The following GLRX3 variants were observed in gnomAD, a reference collection of about 807,000 sequenced individuals.
GLRX3 encodes glutaredoxin 3, also known as glutaredoxin-3.
A neutral mutation model predicts 49.5 loss-of-function variants in GLRX3; 22 were observed. The ratio of observed to expected loss-of-function variants is 0.44; its 90% confidence interval spans 0.32 to 0.63. GLRX3 has a LOEUF of 0.63. GLRX3 is among the 30% of genes least tolerant of loss of function. GLRX3 has a pLI of 0.05. For synonymous variants in GLRX3, 133 were observed against 140.0 expected (o/e 0.95, Z 0.35); for missense variants, 385 against 396.3 (o/e 0.97, Z 0.24).
At chr10:130,164,504 G>T (rs988180534) in intron 4 of GLRX3, among the ~76,000 whole-genome samples, 2 of 152,180 alleles carry the variant, frequency 1.3e-5, no homozygotes, top group Admixed American at 1.3e-4. Flanking sequence ...TTTATTGTTA[G>T]GTAGTGATGA....
chr10:130,179,301 A>G (rs752714689), intron 10 of GLRX3, 41 bp from the exon 11 acceptor site: 1 of 870,500 alleles, frequency 1.1e-6, no homozygotes, highest in African/African-American at 1.7e-5. Context: ...ATCTTTTTAT[A>G]TATGCATATA....
rs147628574 is a variant in GLRX3 at position 130,137,802 on chromosome 10, A to C, written c.92+1290A>C. Among the ~76,000 whole-genome samples the C allele has an allele frequency of 6.6e-4, 101 of 152,190 alleles. 1 individual carries two copies. The highest frequency in any genetic ancestry group is 2.4e-3 in the African/African-American group (98 of 41,528). ...CAGGCTGCAGTGTAGTGGAGCGATCACGGCTCCCTGCAGCCTCCGCCTCCC... is the reference window on the plus strand; with the variant it reads ...CAGGCTGCAGTGTAGTGGAGCGATCCCGGCTCCCTGCAGCCTCCGCCTCCC... On this transcript the variant is annotated intron_variant, in intron 1 of 10. Transcript: ENST00000331244.
At chr10:130,170,731 G>A (rs1862790253) in intron 7 of GLRX3, among the ~76,000 whole-genome samples, 1 of 152,102 alleles carries the variant, frequency 6.6e-6, no homozygotes. Context: ...TTAAAATGTT[G>A]ACATGGTACC....
chr10:130,175,005 A>G lies in GLRX3; in HGVS notation c.873A>G (p.Gln291=), dbSNP rs970056245. ...FDILEDEEVR[Q]GLKAYSNWPT... ...TCCTGTTGTTTCTTTAGGTTCGGCA[A>G]GGATTAAAAGCTTACTCAAATTGGC... is the stretch of plus-strand genomic sequence containing the variant. Residue 291 remains glutamine (Q), a synonymous_variant, in exon 10 of 11, where the codon CAA becomes CAG. Coordinates refer to ENST00000331244, the MANE Select transcript of GLRX3 (RefSeq NM_006541.5). The G allele has an allele frequency of 1.2e-6, 2 of 1,607,536 alleles. No individual in the cohort carries two copies. Among genetic ancestry groups the G allele is most frequent in the African/African-American group, 1.3e-5 (1 of 74,780 alleles).
rs556295364 is a variant in GLRX3, at chr10:130,171,390, G to C, written c.772-194G>C. ...AAACCAAAGGAAAAGGAAGTCTGTGGGTCACGTGTGCCTGGGTTGATGTGT... is the reference window on the plus strand; with the variant it reads ...AAACCAAAGGAAAAGGAAGTCTGTGCGTCACGTGTGCCTGGGTTGATGTGT... On this transcript the variant is annotated intron_variant, in intron 7 of 10. Transcript: ENST00000331244. 1.8e-4 allele frequency among the ~76,000 whole-genome samples: 27 copies of C among 152,166 alleles called. No homozygotes were observed. The East Asian group carries it at 4.6e-3, about 26-fold the overall frequency.
intron 7 of GLRX3, 73 bp downstream of exon 7, chr10:130,169,563 T>A: frequency 1.0e-6 from 1 of 965,750 alleles, no homozygotes; most frequent in East Asian, 2.4e-5. Flanking sequence ...GACAGTTAAA[T>A]CTTTTTCCTA....
chr10:130,146,813 A>G (rs1450140525), intron 2 of GLRX3, among the ~76,000 whole-genome samples: 2 of 152,244 alleles, frequency 1.3e-5, no homozygotes, highest in African/African-American at 2.4e-5. Flanking sequence ...GCCTCTTTCT[A>G]TGTAAACTGA....
intron 2 of GLRX3, among the ~76,000 whole-genome samples, chr10:130,156,602 G>A (rs567377090): frequency 3.3e-5 from 5 of 152,284 alleles, no homozygotes; most frequent in African/African-American, 7.2e-5. Flanking sequence ...GAGTCTATAC[G>A]TGAAGCACAC....
intron 1 of GLRX3, among the ~76,000 whole-genome samples, chr10:130,141,175 C>T (rs1002611820): frequency 3.3e-5 from 5 of 151,914 alleles, no homozygotes; most frequent in Non-Finnish European, 7.4e-5. Context: ...CCCAACTTTA[C>T]AAAGAACAAA....
intron 10 of GLRX3, among the ~76,000 whole-genome samples, chr10:130,178,020 C>A (rs1321232614): frequency 6.6e-6 from 1 of 152,142 alleles, no homozygotes; most frequent in Non-Finnish European, 1.5e-5. Context: ...TACTGCAGTT[C>A]CAGTCAACCT....
At chr10:130,160,730 AT>A in intron 3 of GLRX3, 65 bp from the exon 4 acceptor site, 1 of 926,118 alleles carries the variant, frequency 1.1e-6, no homozygotes, top group East Asian at 2.5e-5. Flanking sequence ...CCCTTTAAAA[AT>A]CTGCTATAAC....
chr10:130,173,645 C>G (rs1041893132), intron 8 of GLRX3, among the ~76,000 whole-genome samples: 1 of 152,130 alleles, frequency 6.6e-6, no homozygotes, highest in African/African-American at 2.4e-5. Context: ...CTTCCTGGAT[C>G]CTTTATGAAT....
At chr10:130,155,975 A>G (rs1411930102) in intron 2 of GLRX3, among the ~76,000 whole-genome samples, 1 of 152,168 alleles carries the variant, frequency 6.6e-6, no homozygotes, top group African/African-American at 2.4e-5. Flanking sequence ...GGTCAGTGGA[A>G]TGAGGACAGG....
intron 2 of GLRX3, among the ~76,000 whole-genome samples, chr10:130,149,073 A>G (rs912446427): frequency 1.3e-5 from 2 of 151,996 alleles, no homozygotes; most frequent in Non-Finnish European, 2.9e-5. Flanking sequence ...AAAAAATTAA[A>G]AAGTGCATCT....
rs562842849 is a variant in GLRX3, at chr10:130,139,620, C to T, written c.92+3108C>T. On this transcript the variant is annotated intron_variant, in intron 1 of 10. Coordinates refer to ENST00000331244, the MANE Select transcript of GLRX3 (RefSeq NM_006541.5). Reference sequence around the variant, plus strand: ...TCGTGGCACTGCACTCCAGCCTGGACGACAGACGAAGACTCCATCTCAAAA... The same window carrying T: ...TCGTGGCACTGCACTCCAGCCTGGATGACAGACGAAGACTCCATCTCAAAA... 7.8e-5 allele frequency among the ~76,000 whole-genome samples: 11 copies of T among 140,690 alleles called. No homozygotes were observed. The South Asian group carries it at 2.3e-3, about 29-fold the overall frequency. The allele number at this position is 140,690 out of a possible 152,430, so 92.3% of individuals were successfully genotyped here.
chr10:130,145,391 G>T (rs569548935), intron 2 of GLRX3, 72 bp downstream of exon 2: 1 of 761,060 alleles, frequency 1.3e-6, no homozygotes, highest in African/African-American at 1.7e-5. Flanking sequence ...GGCTGGGTGC[G>T]GTAGCTCACA....
intron 2 of GLRX3, among the ~76,000 whole-genome samples, chr10:130,154,782 T>C (rs1176870212): frequency 6.6e-6 from 1 of 152,170 alleles, no homozygotes; most frequent in Non-Finnish European, 1.5e-5. Context: ...TGCCGCACAG[T>C]AGTCTAGGCA....
intron 2 of GLRX3, among the ~76,000 whole-genome samples, chr10:130,157,269 C>A (rs748979542): frequency 7.3e-6 from 1 of 137,614 alleles, no homozygotes; most frequent in Non-Finnish European, 1.5e-5. Flanking sequence ...TGCAGTCTAA[C>A]GGCTGGAGAA....
intron 10 of GLRX3, among the ~76,000 whole-genome samples, chr10:130,175,585 T>C (rs889556684): frequency 1.3e-5 from 2 of 152,374 alleles, no homozygotes; most frequent in East Asian, 3.9e-4. Flanking sequence ...GATTGTGTTT[T>C]AGATAAGACA....
Sources: gnomAD v4.1 joint callset for allele counts (sites outside exome capture counted in the v4.1 genomes callset) on GRCh38, gnomAD v4.1.1 for gene constraint, MANE v1.5 for transcripts, NCBI Gene and HGNC (gene_info 2026-07-23, HGNC 2026-07-21) for gene names.